POU2F3: variants seen among roughly 807,000 people sequenced by gnomAD.
The protein encoded by POU2F3 is POU domain, class 2, transcription factor 3.
A neutral mutation model predicts 59.2 loss-of-function variants in POU2F3; 23 were observed. That is an observed-to-expected ratio of 0.39 (90% confidence interval 0.28 to 0.55). The LOEUF (loss-of-function observed/expected upper bound fraction) is 0.55, where lower values mean the gene tolerates loss of function less well. Among genes scored for constraint, POU2F3 ranks in the 20% least tolerant of loss-of-function variants. The pLI, the probability that POU2F3 is intolerant of heterozygous loss-of-function variation, is 0.66. For synonymous variants in POU2F3, 190 were observed against 214.6 expected, an observed-to-expected ratio of 0.89 and a Z score of 1.00; for missense variants, 473 against 544.5, an observed-to-expected ratio of 0.87 and a Z score of 1.31.
Position 120,307,618 on chromosome 11 carries a change from G to C in POU2F3, c.906+3G>C. 1 of 1,614,070 alleles carries C rather than the reference G, an allele frequency of 6.2e-7. No homozygotes were observed. The highest frequency in any genetic ancestry group is 8.5e-7 in the Non-Finnish European group (1 of 1,179,956). ...CTCTGGAGAAGAGGTTTCAAGATGT[G>C]AGCAGCACCTTCGGGTGGGCACGGG... On this transcript the variant is annotated splice_donor_region_variant and intron_variant, in intron 9 of 12. Transcript: ENST00000543440.
chr11:120,284,841 G>A (rs1046537955), intron 3 of POU2F3, among the ~76,000 whole-genome samples: 17 of 152,276 alleles, frequency 1.1e-4, no homozygotes, highest in African/African-American at 2.2e-4. Flanking sequence ...CCTTGAGGCC[G>A]TCTGTCCCCT....
At chr11:120,247,879 G>A (rs1332211091) in intron 2 of POU2F3, among the ~76,000 whole-genome samples, 2 of 152,202 alleles carry the variant, frequency 1.3e-5, no homozygotes, top group African/African-American at 4.8e-5. Context: ...GGGGCCCATT[G>A]CCCAGGTGTG....
intron 2 of POU2F3, chr11:120,249,814 G>C (rs58254802): frequency 6.6e-6 from 1 of 152,090 alleles, no homozygotes; most frequent in Non-Finnish European, 1.5e-5. Flanking sequence ...TTACAATAAG[G>C]CTATGAGATA....
chr11:120,264,627 G>A (rs1013817544), intron 2 of POU2F3, among the ~76,000 whole-genome samples: 7 of 152,132 alleles, frequency 4.6e-5, no homozygotes, highest in African/African-American at 1.4e-4. Context: ...TAGAAGCCTA[G>A]CCATCAGCTT....
intron 2 of POU2F3, among the ~76,000 whole-genome samples, chr11:120,248,471 G>A (rs540832698): frequency 2.4e-4 from 37 of 152,330 alleles, no homozygotes; most frequent in African/African-American, 4.1e-4. Flanking sequence ...AGCTGTGATC[G>A]TCATTAAGAT....
intron 10 of POU2F3, among the ~76,000 whole-genome samples, chr11:120,313,599 C>T (rs1215186381): frequency 6.6e-6 from 1 of 152,082 alleles, no homozygotes; most frequent in East Asian, 1.9e-4. Context: ...GGGCAGAATG[C>T]TACAATATAT....
chr11:120,271,519 C>G lies in POU2F3; in HGVS notation c.132+2275C>G, dbSNP rs568699147. Among the ~76,000 whole-genome samples, 4 of 152,334 alleles carry G rather than the reference C, an allele frequency of 2.6e-5. No individual in the cohort carries two copies. The South Asian group carries it at 8.3e-4, about 32-fold the overall frequency. ...CCAGCCCAGGGCCCACCTCTCCTGG[C>G]CCCAGCCCCTTGGGACAAGATGCAC... On this transcript the variant is annotated intron_variant, in intron 3 of 12. Transcript: ENST00000543440.
At position 120,285,524 on chromosome 11, in the gene POU2F3, C is replaced by A. The variant is rs1460846140; in HGVS notation, c.133-12741C>A. Among the ~76,000 whole-genome samples the A allele has an allele frequency of 6.6e-6, 1 of 152,156 alleles. No individual in the cohort carries two copies. Among genetic ancestry groups the A allele is most frequent in the Non-Finnish European group, 1.5e-5 (1 of 68,036 alleles). ...ATTCCATATGTTATGCTGCTGAATGCCTTCCTTAAACCAGTTATATACTTA... is the reference window on the plus strand; with the variant it reads ...ATTCCATATGTTATGCTGCTGAATGACTTCCTTAAACCAGTTATATACTTA... On this transcript the variant is annotated intron_variant, in intron 3 of 12. Transcript: ENST00000543440. This position sits in a 1 kb window ranked among gnomAD's most constrained non-coding sequence, Gnocchi z 4.3.
intron 2 of POU2F3, chr11:120,250,516 G>C (rs952694233): frequency 1.3e-4 from 20 of 152,242 alleles, no homozygotes; most frequent in African/African-American, 4.8e-4. Flanking sequence ...TTCACAGATG[G>C]AGAAATGGAG....
At chr11:120,301,022 A>G (rs1333921386) in intron 5 of POU2F3, 2 of 456,198 alleles carry the variant, frequency 4.4e-6, no homozygotes, top group South Asian at 1.6e-5. Flanking sequence ...AAGGGAAGGT[A>G]ACAGTTTAAT....
chr11:120,246,622 G>C (rs1258146386), intron 2 of POU2F3, 105 bp downstream of exon 2: 41 of 1,221,756 alleles, frequency 3.4e-5, no homozygotes, highest in Non-Finnish European at 4.7e-5. Flanking sequence ...CAGCCAACCA[G>C]ACCCCAAAGC....
chr11:120,315,865 CTTTTTTT>C, intron 11 of POU2F3, among the ~76,000 whole-genome samples: 2 of 73,042 alleles, frequency 2.7e-5, no homozygotes, highest in African/African-American at 1.2e-4. Flanking sequence ...CTTCCTTCCA[CTTTTTTT>C]TTTTTTTTTT....
chr11:120,250,738 G>A (rs1015924268), intron 2 of POU2F3, among the ~76,000 whole-genome samples: 7 of 152,182 alleles, frequency 4.6e-5, no homozygotes, highest in African/African-American at 1.4e-4. Flanking sequence ...CACTTTGGGA[G>A]GCCAAGGCAG....
intron 2 of POU2F3, among the ~76,000 whole-genome samples, chr11:120,251,793 CT>C (rs547326332): frequency 0.027 from 3,420 of 125,204 alleles, 23 homozygotes; most frequent in Non-Finnish European, 0.03. Context: ...TCTTGGCTGC[CT>C]TTTTTTTTTT....
At chr11:120,264,804 T>A (rs891073923) in intron 2 of POU2F3, among the ~76,000 whole-genome samples, 5 of 152,224 alleles carry the variant, frequency 3.3e-5, no homozygotes, top group Non-Finnish European at 7.3e-5. Context: ...AGTCCAGGAC[T>A]CTTTCTAAGC....
At chr11:120,305,524 T>A in intron 7 of POU2F3, 120 bp from the exon 8 acceptor site, 2 of 1,420,686 alleles carry the variant, frequency 1.4e-6, no homozygotes, top group Non-Finnish European at 1.9e-6. Context: ...GAGCCGAGCA[T>A]GGGTGAGCAC....
upstream of POU2F3, chr11:120,240,130 T>A (rs1049473435): frequency 1.4e-5 from 17 of 1,179,376 alleles, no homozygotes; most frequent in African/African-American, 2.4e-4. Context: ...CGCCGCGTGC[T>A]CACCTGGGGA....
At chr11:120,299,871 G>T in intron 5 of POU2F3, 145 bp downstream of exon 5, 1 of 646,136 alleles carries the variant, frequency 1.5e-6, no homozygotes, top group South Asian at 2.0e-5. Context: ...ATCCACCCCA[G>T]GGTCTGAGGA....
chr11:120,277,324 C>G (rs530214887), intron 3 of POU2F3, among the ~76,000 whole-genome samples: 1 of 151,834 alleles, frequency 6.6e-6, no homozygotes. Context: ...TTAAAAAGCA[C>G]CCTCCTAGTC....
Sources: allele counts gnomAD v4.1 joint callset (sites outside exome capture counted in the v4.1 genomes callset), GRCh38; gene constraint gnomAD v4.1.1; non-coding constraint Gnocchi (gnomAD v3.1); transcripts MANE v1.5; gene names NCBI Gene and HGNC (gene_info 2026-07-23, HGNC 2026-07-21).